Variants in CSMD2 observed in about 807,000 individuals in gnomAD.
CSMD2 encodes CUB and sushi domain-containing protein 2.
A neutral mutation model predicts 398.5 loss-of-function variants in CSMD2; 130 were observed. That is an observed-to-expected ratio of 0.33 (90% CI 0.28 to 0.38). The LOEUF is 0.38. Ranked by LOEUF, CSMD2 falls within the 10% of genes least tolerant of loss-of-function variation. The probability of loss-of-function intolerance (pLI) is 1.00; values close to 1 mark genes in which losing one functional copy is unlikely to be tolerated. For missense variants in CSMD2, 3,829 were observed against 4,764.9 expected, an observed-to-expected ratio of 0.80 and a Z score of 5.78; for synonymous variants, 1,828 against 1,908.5, an observed-to-expected ratio of 0.96 and a Z score of 1.10.
At chr1:33,623,643 C>T (rs1035312545) in intron 35 of CSMD2, among the ~76,000 whole-genome samples, 177 bp from the exon 36 acceptor site, 2 of 152,188 alleles carry the variant, frequency 1.3e-5, no homozygotes, top group South Asian at 2.1e-4. Flanking sequence ...CCAAGGAGCT[C>T]GTTGTCCAGT....
chr1:33,801,184 T>C lies in CSMD2; in HGVS notation c.1447-8658A>G, dbSNP rs1382412751. Among the ~76,000 whole-genome samples the C allele has an allele frequency of 3.3e-5, 5 of 152,078 alleles. No homozygotes were observed. In the South Asian group the frequency reaches 8.3e-4, roughly 25 times the overall value. ...CCCTCTTCCTTCCATGCCCCCTCCC[T>C]CTCCCTCCCATCCTCACTCTCCATC... is the stretch of plus-strand genomic sequence containing the variant. On this transcript the variant is annotated intron_variant, in intron 10 of 70. Coordinates refer to ENST00000373381, the MANE Select transcript of CSMD2 (RefSeq NM_001281956.2).
intron 24 of CSMD2, among the ~76,000 whole-genome samples, chr1:33,696,475 T>C (rs1414696608): frequency 1.3e-5 from 2 of 152,194 alleles, no homozygotes; most frequent in East Asian, 1.9e-4. Context: ...GATTGAAAGA[T>C]GCCAGGCTGA....
intron 14 of CSMD2, among the ~76,000 whole-genome samples, chr1:33,742,147 C>T (rs932314748): frequency 6.6e-6 from 1 of 152,246 alleles, no homozygotes; most frequent in Non-Finnish European, 1.5e-5. Flanking sequence ...CAGGAATCCC[C>T]TGGAGGAGAC....
intron 3 of CSMD2, among the ~76,000 whole-genome samples, chr1:34,009,140 G>A (rs568370927): frequency 6.6e-6 from 1 of 152,202 alleles, no homozygotes; most frequent in South Asian, 2.1e-4. Flanking sequence ...TCAGGACTTA[G>A]TGATCCTTTT....
chr1:33,610,553 G>A (rs994001518), intron 41 of CSMD2, among the ~76,000 whole-genome samples: 1 of 152,210 alleles, frequency 6.6e-6, no homozygotes, highest in African/African-American at 2.4e-5. Context: ...TGTGGTGAGT[G>A]TGGTTGGGCC....
At chr1:33,601,441 G>A (rs935030380) in intron 43 of CSMD2, among the ~76,000 whole-genome samples, 1 of 152,122 alleles carries the variant, frequency 6.6e-6, no homozygotes, top group Admixed American at 6.5e-5. Flanking sequence ...TGCCTTTTGG[G>A]ACAAAAGATT....
At position 33,856,565 on chromosome 1, in the gene CSMD2, G is replaced by A. The variant is rs1038972423; in HGVS notation, c.921-9569C>T. 5.1e-4 allele frequency among the ~76,000 whole-genome samples: 78 copies of A among 152,092 alleles called. 4 individuals carry two copies. The highest frequency in any genetic ancestry group is 1.2e-4 in the Non-Finnish European group (8 of 68,020). ...CTCACCCAGAGGGACTGTTGTAAAT[G>A]GCTTCTTGAGGAGCTGCCCACATCA... On this transcript the variant is annotated intron_variant, in intron 5 of 70. Transcript: ENST00000373381.
At chr1:33,856,494 C>G (rs1639106593) in intron 5 of CSMD2, among the ~76,000 whole-genome samples, 1 of 152,156 alleles carries the variant, frequency 6.6e-6, no homozygotes, top group Non-Finnish European at 1.5e-5. Context: ...GAGGGTGGCA[C>G]CGCTTGCCTT....
At chr1:34,000,864 A>G (rs1464621678) in intron 3 of CSMD2, among the ~76,000 whole-genome samples, 1 of 152,106 alleles carries the variant, frequency 6.6e-6, no homozygotes, top group East Asian at 1.9e-4. Flanking sequence ...ACCATGAAAG[A>G]TGAGCTGGGA....
At chr1:34,082,352 A>G (rs1189446657) in intron 2 of CSMD2, among the ~76,000 whole-genome samples, 1 of 145,520 alleles carries the variant, frequency 6.9e-6, no homozygotes, top group Non-Finnish European at 1.5e-5. Flanking sequence ...CCCTCCGCCC[A>G]GCAGCCGCCC....
chr1:34,151,855 A>C (rs1640357533), intron 1 of CSMD2, among the ~76,000 whole-genome samples: 1 of 118,008 alleles, frequency 8.5e-6, no homozygotes, highest in Non-Finnish European at 1.6e-5. Flanking sequence ...CACATTTTTA[A>C]GAGAAACAGG....
chr1:33,985,655 A>T (rs944845173), intron 3 of CSMD2, among the ~76,000 whole-genome samples: 18 of 152,206 alleles, frequency 1.2e-4, no homozygotes, highest in African/African-American at 3.4e-4. Flanking sequence ...GGGACACTCA[A>T]TACTTTAAGG....
At chr1:33,717,538 G>A (rs1557781426) in intron 19 of CSMD2, among the ~76,000 whole-genome samples, 5 of 151,956 alleles carry the variant, frequency 3.3e-5, no homozygotes, top group African/African-American at 1.2e-4. Flanking sequence ...GCACGCAGGA[G>A]GAAGGTGTGG....
Position 33,774,691 on chromosome 1 carries a change from G to C in CSMD2, c.1664-1940C>G, listed in dbSNP as rs537579869. 2.6e-5 allele frequency among the ~76,000 whole-genome samples: 4 copies of C among 152,296 alleles called. No homozygotes were observed. The East Asian group carries it at 5.8e-4, about 22-fold the overall frequency. ...CATTGCTGCAGGAGATATGCACGTG[G>C]GGTACATGTGCCTGTGTTCCTGCCC... On this transcript the variant is annotated intron_variant, in intron 12 of 70. Transcript: ENST00000373381.
chr1:33,581,647 G>A (rs766493327), intron 47 of CSMD2, among the ~76,000 whole-genome samples: 63 of 151,796 alleles, frequency 4.2e-4, no homozygotes, highest in Non-Finnish European at 4.6e-4. Flanking sequence ...GTCATGTCTC[G>A]GGGTCATAAG....
chr1:34,084,578 C>G (rs1221715297), intron 2 of CSMD2, among the ~76,000 whole-genome samples: 1 of 152,074 alleles, frequency 6.6e-6, no homozygotes, highest in South Asian at 2.1e-4. Flanking sequence ...AGGACATGAA[C>G]AGACACTTCT....
intron 1 of CSMD2, among the ~76,000 whole-genome samples, chr1:34,156,917 C>T (rs564344785): frequency 6.6e-6 from 1 of 152,302 alleles, no homozygotes; most frequent in East Asian, 1.9e-4. Context: ...GAGAGAGACT[C>T]GCCCAGCAGA....
intron 10 of CSMD2, among the ~76,000 whole-genome samples, chr1:33,804,143 T>TAGAC (rs1655947085): frequency 1.3e-5 from 2 of 152,254 alleles, no homozygotes; most frequent in African/African-American, 4.8e-5. Flanking sequence ...ATCATTCATA[T>TAGAC]AGACAGCTTA....
intron 3 of CSMD2, among the ~76,000 whole-genome samples, chr1:34,002,314 A>T (rs2884536): frequency 0.025 from 3,824 of 152,244 alleles, 160 homozygotes; most frequent in African/African-American, 0.085. Flanking sequence ...GGGTCATTTT[A>T]AAAAATTAAA....
Sources: allele counts gnomAD v4.1 joint callset (sites outside exome capture counted in the v4.1 genomes callset), GRCh38; gene constraint gnomAD v4.1.1; transcripts MANE v1.5; gene names NCBI Gene and HGNC (gene_info 2026-07-23, HGNC 2026-07-21).